The following CYP26A1 variants were observed in gnomAD, a reference collection of about 807,000 sequenced individuals.
CYP26A1 encodes cytochrome P450 26A1.
A neutral mutation model predicts 47.4 loss-of-function variants in CYP26A1; 46 were observed. The observed-to-expected ratio is 0.97, with a 90% confidence interval of 0.77 to 1.24. The LOEUF (loss-of-function observed/expected upper bound fraction) is 1.24, where lower values mean the gene tolerates loss of function less well. Ranked by LOEUF, CYP26A1 falls within the 50% of genes most tolerant of loss-of-function variation. CYP26A1 has a pLI of 0.00. For synonymous variants in CYP26A1, 277 were observed against 263.7 expected, an observed-to-expected ratio of 1.05 and a Z score of -0.49; for missense variants, 680 against 644.4, an observed-to-expected ratio of 1.06 and a Z score of -0.60.
rs1846944827 is a variant in CYP26A1 at position 93,074,625 on chromosome 10, G to A, written c.414+93G>A. ...GATGCTAGGCGCGGGCTAGCAGCTT[G>A]AGGTGGGCTAGGACCCTCTGCCAGC... On this transcript the variant is annotated intron_variant, in intron 2 of 6. Coordinates refer to ENST00000224356, the MANE Select transcript of CYP26A1 (RefSeq NM_000783.4). This position sits in a 1 kb window ranked among gnomAD's most constrained non-coding sequence, Gnocchi z 5.3. 3.7e-6 allele frequency: 4 copies of A among 1,085,310 alleles called. No individual in the cohort carries two copies. Among genetic ancestry groups the A allele is most frequent in the Non-Finnish European group, 5.6e-6 (4 of 713,294 alleles). 67.2% of individuals were successfully genotyped at this position (1,085,310 alleles called of 1,614,324 possible). A position where few individuals can be genotyped will look rare whatever the true frequency, so the allele number is the denominator to read the frequency against.
chr10:93,076,514 C>T (rs1846978770), intron 5 of CYP26A1, 30 bp from the exon 6 acceptor site: 2 of 1,528,190 alleles, frequency 1.3e-6, no homozygotes, highest in South Asian at 1.2e-5. Flanking sequence ...CACAAAATAA[C>T]TGTTCACCTC....
In CYP26A1 at chr10:93,075,872, C is replaced by G; in HGVS notation, c.911C>G (p.Thr304Ser). 6.2e-7 allele frequency: 1 copy of G among 1,610,770 alleles called. No individual in the cohort carries two copies. The highest frequency in any genetic ancestry group is 8.5e-7 in the Non-Finnish European group (1 of 1,176,954). ...STELLFGGHE[T>S]TASAATSLIT... ...GAACTCCTCTTTGGAGGACACGAAA[C>G]CACGGCCAGTGCAGCCACATCTCTG... The change falls in exon 5 of 7, where the codon ACC becomes AGC. Residue 304 changes from threonine to serine, a missense_variant. Thr to Ser is a moderately conservative substitution (Grantham distance 58). Transcript: ENST00000224356.
chr10:93,075,636 C>A, intron 4 of CYP26A1, 190 bp from the exon 5 acceptor site: 1 of 592,058 alleles, frequency 1.7e-6, no homozygotes, highest in Non-Finnish European at 3.0e-6. Flanking sequence ...GGGTCGTACT[C>A]GCCTTACTGC....
At position 93,075,068 on chromosome 10, in the gene CYP26A1, G is replaced by A. The variant is rs1199466701; in HGVS notation, c.704G>A (p.Arg235Gln). 1.9e-6 allele frequency: 3 copies of A among 1,611,866 alleles called. No individual in the cohort carries two copies. The highest frequency in any genetic ancestry group is 1.1e-5 in the South Asian group (1 of 91,000). ...PIDVPFSGLYRGMKARNLIHA... is the reference protein window; with the variant it reads ...PIDVPFSGLYQGMKARNLIHA... ...GACGTGCCCTTCAGCGGGCTGTACC[G>A]GGTAAGGGCGGCAAACGGGCTGCGG... The change falls in exon 3 of 7, where the codon CGG becomes CAG. Residue 235 changes from arginine (R) to glutamine (Q), a missense_variant and splice_region_variant. Transcript: ENST00000224356.
rs374596674 is a variant in CYP26A1 at position 93,076,675 on chromosome 10, T to C, written c.1131T>C (p.Ala377=). The change falls in exon 6 of 7, where the codon GCT becomes GCC. Residue 377 remains alanine (A), a synonymous_variant. Transcript: ENST00000224356. The part of the protein sequence containing the change: ...NPPVPGGFRV[A]LKTFELNGYQ... Reference sequence around the variant, plus strand: ...CAGTTCCAGGAGGGTTTCGGGTTGCTCTGAAGACTTTTGAATTAAATGTAA... The same window carrying C: ...CAGTTCCAGGAGGGTTTCGGGTTGCCCTGAAGACTTTTGAATTAAATGTAA... The C allele has an allele frequency of 2.2e-5, 36 of 1,605,578 alleles. No individual in the cohort carries two copies. The highest frequency in any genetic ancestry group is 3.1e-5 in the Non-Finnish European group (36 of 1,177,034).
rs1213157504 is a variant in CYP26A1, at chr10:93,074,686, T to C, written c.415-93T>C. ...CTTTCCCAGCTCGGAGAGTGCCATGTGTCTGGCAGGACTGGGGGTGTCTGG... is the reference window on the plus strand; with the variant it reads ...CTTTCCCAGCTCGGAGAGTGCCATGCGTCTGGCAGGACTGGGGGTGTCTGG... On this transcript the variant is annotated intron_variant, in intron 2 of 6. Coordinates refer to ENST00000224356, the MANE Select transcript of CYP26A1 (RefSeq NM_000783.4). This position sits in a 1 kb window ranked among gnomAD's most constrained non-coding sequence, Gnocchi z 5.3. 6 of 1,190,014 alleles carry C rather than the reference T, an allele frequency of 5.0e-6. No individual in the cohort carries two copies. Among genetic ancestry groups the C allele is most frequent in the Non-Finnish European group, 7.3e-6 (6 of 827,430 alleles). The allele number at this position is 1,190,014 out of a possible 1,614,324, so 73.7% of individuals were successfully genotyped here.
chr10:93,077,423 C>T lies in CYP26A1; in HGVS notation c.*119C>T. On this transcript the variant is annotated 3_prime_UTR_variant, in exon 7 of 7. Coordinates refer to ENST00000224356, the MANE Select transcript of CYP26A1 (RefSeq NM_000783.4). Reference sequence around the variant, plus strand: ...ATATTATAATATTTATGTGTTTTGACTATACTACCACAATCTTTAAATATT... The same window carrying T: ...ATATTATAATATTTATGTGTTTTGATTATACTACCACAATCTTTAAATATT... 1 of 437,736 alleles carries T rather than the reference C, an allele frequency of 2.3e-6. No homozygotes were observed. The highest frequency in any genetic ancestry group is 3.9e-6 in the Non-Finnish European group (1 of 254,510). 27.1% of individuals were successfully genotyped at this position (437,736 alleles called of 1,614,324 possible). A position where few individuals can be genotyped will look rare whatever the true frequency, so the allele number is the denominator to read the frequency against.
chr10:93,074,867 T>C lies in CYP26A1; in HGVS notation c.503T>C (p.Leu168Pro), dbSNP rs753611470. Residue 168 changes from leucine to proline, a missense_variant, in exon 3 of 7, where the codon CTG (leucine) becomes CCG (proline). Coordinates refer to ENST00000224356, the MANE Select transcript of CYP26A1 (RefSeq NM_000783.4). The surrounding 1 kb of genome is among the most constrained non-coding windows in gnomAD (Gnocchi z 5.3). ...GTGGGCAGCAGCCTGGAGCAGTGGC[T>C]GAGCTGCGGCGAGCGCGGCCTCCTG... The part of the protein sequence containing the change: ...EEVGSSLEQW[L>P]SCGERGLLVY... The C allele has an allele frequency of 1.2e-6, 2 of 1,612,620 alleles. No individual in the cohort carries two copies. Among genetic ancestry groups the C allele is most frequent in the Non-Finnish European group, 1.7e-6 (2 of 1,179,806 alleles).
Position 93,077,135 on chromosome 10 carries a change from G to C in CYP26A1, c.1325G>C (p.Cys442Ser), listed in dbSNP as rs1393374513. 4.3e-6 allele frequency: 7 copies of C among 1,614,074 alleles called. No individual in the cohort carries two copies. Among genetic ancestry groups the C allele is most frequent in the Non-Finnish European group, 5.9e-6 (7 of 1,180,014 alleles). ...CCATTTGGAGGAGGCCTTAGGAGCTGTGTAGGCAAAGAATTTGCAAAAATT... is the reference window on the plus strand; with the variant it reads ...CCATTTGGAGGAGGCCTTAGGAGCTCTGTAGGCAAAGAATTTGCAAAAATT... ...FIPFGGGLRS[C>S]VGKEFAKILL... The change falls in exon 7 of 7, where the codon TGT becomes TCT. Residue 442 changes from cysteine to serine, a missense_variant. Physicochemically the swap from Cys to Ser is moderately radical, Grantham distance 112 (BLOSUM62 -1). Transcript: ENST00000224356.
rs1158145253 is a variant in CYP26A1 at position 93,077,762 on chromosome 10, T to G, written c.*458T>G. ...GAAAATTGATCCAAGTTAATTTAAT[T>G]TTTTTTTGGTTTGCTGTACTTTAGG... On this transcript the variant is annotated 3_prime_UTR_variant, in exon 7 of 7. Coordinates refer to ENST00000224356, the MANE Select transcript of CYP26A1 (RefSeq NM_000783.4). 1.3e-5 allele frequency: 2 copies of G among 152,154 alleles called. No individual in the cohort carries two copies. The highest frequency in any genetic ancestry group is 1.9e-4 in the East Asian group (1 of 5,200). The allele number at this position is 152,154 out of a possible 1,614,324, so 9.4% of individuals were successfully genotyped here. A position where few individuals can be genotyped will look rare whatever the true frequency, so the allele number is the denominator to read the frequency against.
chr10:93,074,703 G>T lies in CYP26A1; in HGVS notation c.415-76G>T. On this transcript the variant is annotated intron_variant, in intron 2 of 6. Transcript: ENST00000224356. This position sits in a 1 kb window ranked among gnomAD's most constrained non-coding sequence, Gnocchi z 5.3. Reference sequence around the variant, plus strand: ...GTGCCATGTGTCTGGCAGGACTGGGGGTGTCTGGAAGGGGACGGCGGTAGA... The same window carrying T: ...GTGCCATGTGTCTGGCAGGACTGGGTGTGTCTGGAAGGGGACGGCGGTAGA... The T allele has an allele frequency of 3.1e-6, 4 of 1,298,978 alleles. No homozygotes were observed. Among genetic ancestry groups the T allele is most frequent in the Middle Eastern group, 1.9e-4 (1 of 5,360 alleles). The allele number at this position is 1,298,978 out of a possible 1,614,324, so 80.5% of individuals were successfully genotyped here.
Position 93,075,264 on chromosome 10 carries a change from T to C in CYP26A1, c.821T>C (p.Leu274Ser). ...GGCTGCAAAGACGCGCTGCAGCTGTTGATCGAGCACTCGTGGGAGAGGGGA... is the reference window on the plus strand; with the variant it reads ...GGCTGCAAAGACGCGCTGCAGCTGTCGATCGAGCACTCGTGGGAGAGGGGA... The part of the protein sequence containing the change: ...GQGCKDALQL[L>S]IEHSWERGER... The change falls in exon 4 of 7, where the codon TTG becomes TCG. Residue 274 changes from leucine to serine, a missense_variant. Leu to Ser is a moderately radical substitution (Grantham distance 145, BLOSUM62 -2). Coordinates refer to ENST00000224356, the MANE Select transcript of CYP26A1 (RefSeq NM_000783.4). The C allele has an allele frequency of 6.2e-7, 1 of 1,614,146 alleles. No individual in the cohort carries two copies. Among genetic ancestry groups the C allele is most frequent in the East Asian group, 2.2e-5 (1 of 44,886 alleles).
At chr10:93,076,738 A>G (rs772140956) in intron 6 of CYP26A1, 42 bp downstream of exon 6, 1 of 1,438,368 alleles carries the variant, frequency 7.0e-7, no homozygotes, top group East Asian at 2.3e-5. Context: ...GTTGTGGTTT[A>G]AAAACTCCTC....
In CYP26A1 at chr10:93,077,366, T is replaced by C. The variant is rs1367438150; in HGVS notation, c.*62T>C. 2 of 793,576 alleles carry C rather than the reference T, an allele frequency of 2.5e-6. No homozygotes were observed. Among genetic ancestry groups the C allele is most frequent in the African/African-American group, 3.5e-5 (2 of 57,880 alleles). The allele number at this position is 793,576 out of a possible 1,614,324, so 49.2% of individuals were successfully genotyped here. On this transcript the variant is annotated 3_prime_UTR_variant, in exon 7 of 7. Transcript: ENST00000224356. The stretch of plus-strand genomic sequence containing the variant: ...TGTACATATGAGTTTTTAAGGAGTG[T>C]TGTGTTGACTTTATATTTAATTTCT...
Position 93,075,317 on chromosome 10 carries a change from A to C in CYP26A1, c.864+10A>C. The C allele has an allele frequency of 2.5e-6, 4 of 1,612,300 alleles. No homozygotes were observed. The highest frequency in any genetic ancestry group is 3.4e-6 in the Non-Finnish European group (4 of 1,178,744). On this transcript the variant is annotated intron_variant, in intron 4 of 6. Transcript: ENST00000224356. ...GCGGCTGGACATGCAGGTGAGTAGC[A>C]GCTTCAGACCAGGCACTGCGGAGTT...
rs1313813062 is a variant in CYP26A1 at position 93,074,444 on chromosome 10, C to G, written c.326C>G (p.Ser109Trp). 6.2e-7 allele frequency: 1 copy of G among 1,611,324 alleles called. No homozygotes were observed. Among genetic ancestry groups the G allele is most frequent in the East Asian group, 2.2e-5 (1 of 44,856 alleles). ...RILLGEHRLV[S>W]VHWPASVRTI... ...TTGCTCGGAGAGCACCGGCTGGTGT[C>G]GGTCCACTGGCCAGCGTCGGTGCGC... Residue 109 changes from serine (S) to tryptophan (W), a missense_variant, in exon 2 of 7, where the codon TCG becomes TGG. Coordinates refer to ENST00000224356, the MANE Select transcript of CYP26A1 (RefSeq NM_000783.4). This position sits in a 1 kb window ranked among gnomAD's most constrained non-coding sequence, Gnocchi z 5.3.
Position 93,074,409 on chromosome 10 carries a change from G to T in CYP26A1, c.291G>T (p.Val97=), listed in dbSNP as rs182251373. ...TACGGGTGATGGGCGCGGACAATGT[G>T]CGGCGCATCTTGCTCGGAGAGCACC... is the stretch of plus-strand genomic sequence containing the variant. ...PTVRVMGADN[V]RRILLGEHRL... is the part of the protein sequence containing the mutation. Residue 97 remains valine, a synonymous_variant, in exon 2 of 7, where the codon GTG becomes GTT. Transcript: ENST00000224356. This position sits in a 1 kb window ranked among gnomAD's most constrained non-coding sequence, Gnocchi z 5.3. 2.0e-5 allele frequency: 33 copies of T among 1,611,734 alleles called. No homozygotes were observed. The East Asian group carries it at 7.4e-4, about 36-fold the overall frequency.
chr10:93,076,528 A>G lies in CYP26A1; in HGVS notation c.1000-16A>G, dbSNP rs747602172. On this transcript the variant is annotated splice_polypyrimidine_tract_variant and intron_variant, in intron 5 of 6. Coordinates refer to ENST00000224356, the MANE Select transcript of CYP26A1 (RefSeq NM_000783.4). The stretch of plus-strand genomic sequence containing the variant: ...GCACAAAATAACTGTTCACCTCTGT[A>G]TGACTGTTTTGATAGGGTTTACTTT... 2.5e-6 allele frequency: 4 copies of G among 1,587,652 alleles called. No homozygotes were observed. Among genetic ancestry groups the G allele is most frequent in the Admixed American group, 1.7e-5 (1 of 58,588 alleles).
intron 6 of CYP26A1, 50 bp from the exon 7 acceptor site, chr10:93,076,913 A>G: frequency 7.8e-7 from 1 of 1,282,038 alleles, no homozygotes; most frequent in Non-Finnish European, 1.1e-6. Context: ...TTTGTTGTTG[A>G]AAGTTAAATT....
Sources: allele counts gnomAD v4.1 joint callset, GRCh38; gene constraint gnomAD v4.1.1; non-coding constraint Gnocchi (gnomAD v3.1); transcripts MANE v1.5; gene names NCBI Gene and HGNC (gene_info 2026-07-23, HGNC 2026-07-21).